LHFPL6: variants seen among roughly 807,000 people sequenced by gnomAD.
LHFPL6 encodes LHFPL tetraspan subfamily member 6, also known as LHFPL tetraspan subfamily member 6 protein.
A neutral mutation model predicts 20.6 loss-of-function variants in LHFPL6; 9 were observed. The ratio of observed to expected loss-of-function variants is 0.44; its 90% CI spans 0.26 to 0.76. The LOEUF (loss-of-function observed/expected upper bound fraction) is 0.76. Ranked by LOEUF, LHFPL6 falls within the 30% of genes least tolerant of loss-of-function variation. LHFPL6 has a pLI of 0.20. For synonymous variants in LHFPL6, 105 were observed against 98.7 expected, an observed-to-expected ratio of 1.06 and a Z score of -0.38; for missense variants, 218 against 253.5, an observed-to-expected ratio of 0.86 and a Z score of 0.95.
chr13:39,457,148 T>C (rs1227642916), intron 2 of LHFPL6, among the ~76,000 whole-genome samples: 1 of 152,094 alleles, frequency 6.6e-6, no homozygotes, highest in East Asian at 1.9e-4. Flanking sequence ...AATGATAAAA[T>C]GGATTTATCA....
chr13:39,370,884 A>T (rs560745835), intron 3 of LHFPL6, among the ~76,000 whole-genome samples: 59 of 152,318 alleles, frequency 3.9e-4, no homozygotes, highest in Middle Eastern at 3.4e-3. Flanking sequence ...AAATTTTTTT[A>T]AAAAATTATA....
At chr13:39,496,863 C>T (rs1480970992) in intron 2 of LHFPL6, among the ~76,000 whole-genome samples, 2 of 152,096 alleles carry the variant, frequency 1.3e-5, no homozygotes, top group Non-Finnish European at 2.9e-5. Flanking sequence ...TCCATGATAC[C>T]CAGGGGTATA....
intron 2 of LHFPL6, among the ~76,000 whole-genome samples, chr13:39,440,937 A>G (rs1030607028): frequency 4.6e-5 from 7 of 151,918 alleles, no homozygotes; most frequent in African/African-American, 1.7e-4. Flanking sequence ...TCTCTTGTCT[A>G]CCGCCATGTT....
At chr13:39,482,959 T>C (rs932124653) in intron 2 of LHFPL6, among the ~76,000 whole-genome samples, 2 of 152,162 alleles carry the variant, frequency 1.3e-5, no homozygotes, top group East Asian at 3.9e-4. Context: ...ATGGAAGACA[T>C]TGCAAAGGAT....
At position 39,505,943 on chromosome 13, in the gene LHFPL6, T is replaced by C. The variant is rs540949331; in HGVS notation, c.385+94889A>G. Among the ~76,000 whole-genome samples the C allele has an allele frequency of 7.2e-5, 11 of 152,292 alleles. No individual in the cohort carries two copies. In the South Asian group the frequency reaches 2.3e-3, roughly 32 times the overall value. ...AGAGGAGCTATCAATAATTTCTCAG[T>C]CCTCATCATTTATTATAAAGGATCT... On this transcript the variant is annotated intron_variant, in intron 2 of 3. Transcript: ENST00000379589.
chr13:39,476,883 A>G (rs1326325022), intron 2 of LHFPL6, among the ~76,000 whole-genome samples: 1 of 152,228 alleles, frequency 6.6e-6, no homozygotes, highest in Non-Finnish European at 1.5e-5. Context: ...GGCCTCATTA[A>G]ATGGGAGGCC....
intron 2 of LHFPL6, among the ~76,000 whole-genome samples, chr13:39,477,495 T>G (rs1475467023): frequency 6.6e-6 from 1 of 152,192 alleles, no homozygotes; most frequent in Non-Finnish European, 1.5e-5. Flanking sequence ...CCCAGGAATA[T>G]CTGTAAAGAG....
In LHFPL6 at chr13:39,419,006, C is replaced by CTTATT. The variant is rs1871415947; in HGVS notation, c.386-40485_386-40481dup. ...CCTTAAACGTTTCAGTAATGTTTTC[C>CTTATT]TTATTTTATTTTATAATATTTATTT... On this transcript the variant is annotated intron_variant, in intron 2 of 3. Coordinates refer to ENST00000379589, the MANE Select transcript of LHFPL6 (RefSeq NM_005780.3). 7.2e-5 allele frequency among the ~76,000 whole-genome samples: 11 copies of CTTATT among 152,196 alleles called. No homozygotes were observed. The South Asian group carries it at 2.3e-3, about 32-fold the overall frequency.
rs573229044 is a variant in LHFPL6 at position 39,469,279 on chromosome 13, T to G, written c.386-90753A>C. 2.0e-5 allele frequency among the ~76,000 whole-genome samples: 3 copies of G among 152,320 alleles called. No individual in the cohort carries two copies. The South Asian group carries it at 6.2e-4, about 32-fold the overall frequency. On this transcript the variant is annotated intron_variant, in intron 2 of 3. Transcript: ENST00000379589. ...TTTGTGTTCAAAATGCATCTGAGAT[T>G]GGGATTCTTGTGGCCATTCAGTTCA...
chr13:39,564,941 TA>T (rs1871663029), intron 2 of LHFPL6, among the ~76,000 whole-genome samples: 1 of 152,104 alleles, frequency 6.6e-6, no homozygotes, highest in African/African-American at 2.4e-5. Flanking sequence ...CAATAAGAAG[TA>T]AAGTAAATAT....
intron 3 of LHFPL6, among the ~76,000 whole-genome samples, chr13:39,362,646 C>G (rs1245917554): frequency 6.6e-6 from 1 of 152,162 alleles, no homozygotes; most frequent in Admixed American, 6.5e-5. Flanking sequence ...TGAAAATACT[C>G]AATGACCCTC....
At chr13:39,440,454 T>A (rs960152124) in intron 2 of LHFPL6, among the ~76,000 whole-genome samples, 9 of 152,180 alleles carry the variant, frequency 5.9e-5, no homozygotes, top group African/African-American at 2.2e-4. Context: ...CAAAGTGAGA[T>A]ACGAGTCTTT....
At chr13:39,430,672 A>G (rs1381973447) in intron 2 of LHFPL6, among the ~76,000 whole-genome samples, 1 of 152,202 alleles carries the variant, frequency 6.6e-6, no homozygotes, top group African/African-American at 2.4e-5. Context: ...AAAATGCACC[A>G]ATCAGCGCTC....
At chr13:39,517,343 T>G (rs1278023487) in intron 2 of LHFPL6, among the ~76,000 whole-genome samples, 1 of 152,220 alleles carries the variant, frequency 6.6e-6, no homozygotes, top group Admixed American at 6.5e-5. Context: ...ACCCTGTCTG[T>G]TCACGTTCTA....
chr13:39,458,570 G>C (rs964650717), intron 2 of LHFPL6, among the ~76,000 whole-genome samples: 24 of 151,928 alleles, frequency 1.6e-4, no homozygotes, highest in Non-Finnish European at 3.5e-4. Context: ...ATGGGGGCCT[G>C]CATGTGTAGT....
chr13:39,460,359 C>A (rs2138428234), intron 2 of LHFPL6, among the ~76,000 whole-genome samples: 1 of 152,248 alleles, frequency 6.6e-6, no homozygotes, highest in East Asian at 1.9e-4. Context: ...CAAGAGGCGA[C>A]ACAACAAGAA....
intron 2 of LHFPL6, among the ~76,000 whole-genome samples, chr13:39,461,534 CACAG>C (rs1192427236): frequency 2.6e-5 from 4 of 152,094 alleles, no homozygotes; most frequent in African/African-American, 4.8e-5. Flanking sequence ...TTCCACAGTC[CACAG>C]ACAAACCGGA....
At chr13:39,501,667 G>A (rs966108509) in intron 2 of LHFPL6, among the ~76,000 whole-genome samples, 1 of 152,174 alleles carries the variant, frequency 6.6e-6, no homozygotes, top group Non-Finnish European at 1.5e-5. Context: ...GTGAGGTATG[G>A]AGAAACAAGA....
intron 2 of LHFPL6, among the ~76,000 whole-genome samples, chr13:39,560,504 C>CTTTTTTT (rs376446144): frequency 7.6e-5 from 9 of 118,176 alleles, no homozygotes; most frequent in Non-Finnish European, 1.2e-4. Flanking sequence ...TGCAAATTCT[C>CTTTTTTT]TTTTTTTTTT....
Sources: gnomAD v4.1 joint callset for allele counts (sites outside exome capture counted in the v4.1 genomes callset) on GRCh38, gnomAD v4.1.1 for gene constraint, MANE v1.5 for transcripts, NCBI Gene and HGNC (gene_info 2026-07-23, HGNC 2026-07-21) for gene names.